CA10: variants seen among roughly 807,000 people sequenced by gnomAD.
The protein encoded by CA10 is carbonic anhydrase-related protein 10.
CA10 carries 14 observed loss-of-function variants against 44.2 expected under a neutral mutation model. The ratio of observed to expected loss-of-function variants is 0.32; its 90% CI spans 0.21 to 0.50. The LOEUF (loss-of-function observed/expected upper bound fraction) is 0.50. Among genes scored for constraint, CA10 ranks in the 20% least tolerant of loss-of-function variants. The pLI is 0.99. For synonymous variants in CA10, 159 were observed against 141.6 expected (o/e 1.12, Z -0.87); for missense variants, 350 against 409.7 (o/e 0.85, Z 1.26).
In CA10 at chr17:51,646,139, C is replaced by T. The variant is rs574283497; in HGVS notation, c.634+3043G>A. 2.6e-5 allele frequency among the ~76,000 whole-genome samples: 4 copies of T among 152,290 alleles called. No homozygotes were observed. In the East Asian group the frequency reaches 5.8e-4, roughly 22 times the overall value. ...CTTATCATTGAATGCTTGTTTATTA[C>T]GCAGAAGTTGCTGACTGATACAGCC... On this transcript the variant is annotated intron_variant, in intron 6 of 8. Transcript: ENST00000451037.
intron 3 of CA10, among the ~76,000 whole-genome samples, chr17:51,843,617 A>G (rs1978372116): frequency 6.6e-6 from 1 of 152,170 alleles, no homozygotes; most frequent in Non-Finnish European, 1.5e-5. Flanking sequence ...CATGACTCAA[A>G]TAGATCCTAG....
chr17:52,070,723 A>G (rs192646006), intron 2 of CA10, among the ~76,000 whole-genome samples: 1 of 152,372 alleles, frequency 6.6e-6, no homozygotes, highest in East Asian at 1.9e-4. Flanking sequence ...TGGTTGTCTT[A>G]GAAGCAACAA....
chr17:51,849,418 T>C (rs1978691178), intron 3 of CA10, among the ~76,000 whole-genome samples: 1 of 151,608 alleles, frequency 6.6e-6, no homozygotes, highest in Non-Finnish European at 1.5e-5. Context: ...AAGATGGAGA[T>C]GACAAGGTTA....
intron 3 of CA10, among the ~76,000 whole-genome samples, chr17:51,811,635 A>G (rs992434490): frequency 3.3e-5 from 5 of 152,290 alleles, no homozygotes; most frequent in Middle Eastern, 6.8e-3. Flanking sequence ...GTATGGCTGC[A>G]TAGTATTCCA....
intron 3 of CA10, among the ~76,000 whole-genome samples, chr17:51,785,424 C>T (rs1008945076): frequency 6.6e-6 from 1 of 152,194 alleles, no homozygotes; most frequent in Non-Finnish European, 1.5e-5. Context: ...AGTTGCTCAA[C>T]ATCACTGATC....
chr17:51,952,293 G>T (rs554456081), intron 2 of CA10, among the ~76,000 whole-genome samples: 1 of 152,242 alleles, frequency 6.6e-6, no homozygotes, highest in East Asian at 1.9e-4. Context: ...CAGTTCTGGA[G>T]AGAGTTCTCA....
At chr17:51,888,858 T>C (rs1176606783) in intron 3 of CA10, among the ~76,000 whole-genome samples, 3 of 152,190 alleles carry the variant, frequency 2.0e-5, no homozygotes, top group East Asian at 3.9e-4. Context: ...TTATAACTCA[T>C]GGTTCCATGG....
intron 3 of CA10, among the ~76,000 whole-genome samples, chr17:51,834,579 A>G (rs995482278): frequency 3.7e-4 from 57 of 152,230 alleles, no homozygotes; most frequent in African/African-American, 1.2e-3. Flanking sequence ...TGGGCTGGCA[A>G]GGAGCTGTGA....
intron 2 of CA10, among the ~76,000 whole-genome samples, chr17:51,995,374 GA>G (rs1321955980): frequency 6.6e-6 from 1 of 151,984 alleles, no homozygotes; most frequent in Non-Finnish European, 1.5e-5. Flanking sequence ...TAGGGAATAA[GA>G]TGCTTGAAAC....
At chr17:51,680,598 T>C (rs2143388562) in intron 4 of CA10, among the ~76,000 whole-genome samples, 1 of 152,308 alleles carries the variant, frequency 6.6e-6, no homozygotes, top group Admixed American at 6.5e-5. Context: ...TGGAAACATC[T>C]CTTTTGGGTT....
intron 2 of CA10, among the ~76,000 whole-genome samples, chr17:52,031,258 T>G (rs1328943834): frequency 1.3e-5 from 2 of 151,796 alleles, no homozygotes; most frequent in Admixed American, 6.6e-5. Context: ...CAAGCAATTC[T>G]CATGCCTCAG....
At chr17:51,812,762 G>A (rs1402238279) in intron 3 of CA10, among the ~76,000 whole-genome samples, 1 of 152,206 alleles carries the variant, frequency 6.6e-6, no homozygotes, top group African/African-American at 2.4e-5. Flanking sequence ...GCTGTCCTGA[G>A]TCCCACCTGC....
chr17:52,072,811 GT>G (rs1226922678), intron 1 of CA10, among the ~76,000 whole-genome samples: 1 of 151,922 alleles, frequency 6.6e-6, no homozygotes, highest in Non-Finnish European at 1.5e-5. Context: ...AGAGATTGAA[GT>G]TTGCTGAGGG....
intron 1 of CA10, among the ~76,000 whole-genome samples, chr17:52,149,923 TA>T (rs1437422772): frequency 1.3e-5 from 2 of 152,172 alleles, no homozygotes; most frequent in Admixed American, 1.3e-4. Context: ...CTTGGGCCTT[TA>T]AAAGATGCCT....
chr17:51,784,007 G>A (rs1478196773), intron 3 of CA10, among the ~76,000 whole-genome samples: 1 of 152,112 alleles, frequency 6.6e-6, no homozygotes, highest in Non-Finnish European at 1.5e-5. Context: ...AGTGCAGCGG[G>A]GATGGTACAG....
At chr17:51,849,842 G>C (rs1004945397) in intron 3 of CA10, among the ~76,000 whole-genome samples, 1 of 152,166 alleles carries the variant, frequency 6.6e-6, no homozygotes, top group African/African-American at 2.4e-5. Flanking sequence ...ACCACACCAA[G>C]AATGAGACCA....
At chr17:51,953,748 A>G (rs1983569297) in intron 2 of CA10, among the ~76,000 whole-genome samples, 1 of 152,108 alleles carries the variant, frequency 6.6e-6, no homozygotes, top group African/African-American at 2.4e-5. Flanking sequence ...TTTTATTCCT[A>G]AATATTTGAT....
chr17:51,890,848 A>T (rs750945444), intron 3 of CA10, among the ~76,000 whole-genome samples: 3 of 152,132 alleles, frequency 2.0e-5, no homozygotes, highest in African/African-American at 7.2e-5. Context: ...ATGCCAGGAG[A>T]ACACACCAGT....
At chr17:51,948,203 T>G (rs780669448) in intron 2 of CA10, among the ~76,000 whole-genome samples, 15 of 152,078 alleles carry the variant, frequency 9.9e-5, no homozygotes, top group Non-Finnish European at 1.9e-4. Context: ...TTTTCTACAC[T>G]CCGCCTGTAT....
Sources: gnomAD v4.1 joint callset for allele counts (sites outside exome capture counted in the v4.1 genomes callset) on GRCh38, gnomAD v4.1.1 for gene constraint, MANE v1.5 for transcripts, NCBI Gene and HGNC (gene_info 2026-07-23, HGNC 2026-07-21) for gene names.